TAFA2: variants seen among roughly 807,000 people sequenced by gnomAD.
TAFA2 encodes the protein chemokine-like protein TAFA-2.
TAFA2 carries 7 observed loss-of-function variants against 18.8 expected under a neutral mutation model. The observed-to-expected ratio is 0.37, with a 90% CI of 0.21 to 0.70. The LOEUF is 0.70. Among genes scored for constraint, TAFA2 ranks in the 30% least tolerant of loss-of-function variants. TAFA2 has a pLI of 0.53. For synonymous variants in TAFA2, 60 were observed against 54.2 expected (o/e 1.11, Z -0.47); for missense variants, 122 against 158.1 (o/e 0.77, Z 1.23).
At chr12:62,031,280 G>A (rs1189365541) in intron 1 of TAFA2, among the ~76,000 whole-genome samples, 1 of 152,070 alleles carries the variant, frequency 6.6e-6, no homozygotes, top group Non-Finnish European at 1.5e-5. Context: ...AGAATATAAA[G>A]CAGGCAGAAA....
In TAFA2 at chr12:62,038,641, C is replaced by T. The variant is rs549014152; in HGVS notation, c.-2+152618G>A. On this transcript the variant is annotated intron_variant, in intron 1 of 4. Transcript: ENST00000416284. ...TCAGTGCCCCACAGATACCAAGAGA[C>T]GACTGTATGCAATAAAATTTTTTAA... Among the ~76,000 whole-genome samples, 79 of 151,868 alleles carry T rather than the reference C, an allele frequency of 5.2e-4. No homozygotes were observed. In the South Asian group the frequency reaches 7.9e-3, roughly 15 times the overall value.
chr12:61,832,205 G>C (rs1255821555), intron 2 of TAFA2, among the ~76,000 whole-genome samples: 3 of 152,024 alleles, frequency 2.0e-5, no homozygotes, highest in African/African-American at 7.2e-5. Context: ...CCGCAGAATA[G>C]CACTGTATGG....
At chr12:62,071,396 G>C (rs1195357876) in intron 1 of TAFA2, among the ~76,000 whole-genome samples, 1 of 152,116 alleles carries the variant, frequency 6.6e-6, no homozygotes, top group African/African-American at 2.4e-5. Context: ...CCTGAGTAAG[G>C]AGAGTGATTT....
chr12:62,174,465 A>T (rs1431481479), intron 1 of TAFA2, among the ~76,000 whole-genome samples: 1 of 152,214 alleles, frequency 6.6e-6, no homozygotes, highest in Admixed American at 6.5e-5. Flanking sequence ...AGAGAACCAC[A>T]GATACTGTTT....
At chr12:62,005,101 A>C (rs1189130586) in intron 1 of TAFA2, among the ~76,000 whole-genome samples, 1 of 152,022 alleles carries the variant, frequency 6.6e-6, no homozygotes, top group Non-Finnish European at 1.5e-5. Context: ...TAAATATAGA[A>C]AGCTAATGTG....
At chr12:62,137,957 C>T (rs542847632) in intron 1 of TAFA2, among the ~76,000 whole-genome samples, 15 of 152,244 alleles carry the variant, frequency 9.9e-5, no homozygotes, top group South Asian at 2.1e-4. Context: ...TCAAAATCCT[C>T]CTGTCTAGCC....
chr12:62,077,326 C>T (rs1428938525), intron 1 of TAFA2, among the ~76,000 whole-genome samples: 1 of 152,164 alleles, frequency 6.6e-6, no homozygotes, highest in Non-Finnish European at 1.5e-5. Flanking sequence ...GAAATATTCA[C>T]TGATATTTTG....
intron 2 of TAFA2, among the ~76,000 whole-genome samples, chr12:61,845,523 A>G (rs17125413): frequency 0.018 from 2,717 of 152,252 alleles, 75 homozygotes; most frequent in African/African-American, 0.061. Flanking sequence ...TGGCTTCAGG[A>G]TCAAACTTTG....
chr12:61,935,961 C>T (rs557343796), intron 1 of TAFA2, among the ~76,000 whole-genome samples: 8 of 151,990 alleles, frequency 5.3e-5, no homozygotes, highest in Non-Finnish European at 1.2e-4. Context: ...CTGAAACTAT[C>T]CTAAAAGATT....
intron 1 of TAFA2, among the ~76,000 whole-genome samples, chr12:62,000,878 A>G (rs1298127061): frequency 1.3e-5 from 2 of 152,258 alleles, no homozygotes; most frequent in Non-Finnish European, 2.9e-5. Context: ...GGATGGATCT[A>G]TAGTGATAGG....
intron 2 of TAFA2, among the ~76,000 whole-genome samples, chr12:61,843,093 G>A (rs1290995653): frequency 6.6e-6 from 1 of 152,010 alleles, no homozygotes; most frequent in Non-Finnish European, 1.5e-5. Context: ...CTCAGAAAAT[G>A]TTCAGTAGGC....
chr12:62,005,314 T>C (rs1880511592), intron 1 of TAFA2, among the ~76,000 whole-genome samples: 1 of 152,074 alleles, frequency 6.6e-6, no homozygotes, highest in African/African-American at 2.4e-5. Context: ...ACAATATAAA[T>C]GAATAAATGA....
intron 2 of TAFA2, among the ~76,000 whole-genome samples, chr12:61,823,422 T>C (rs1022895386): frequency 1.3e-5 from 2 of 152,258 alleles, no homozygotes; most frequent in East Asian, 1.9e-4. Flanking sequence ...CCAATGTCAG[T>C]ATACTATATT....
At chr12:61,921,565 G>A (rs190465223) in intron 1 of TAFA2, among the ~76,000 whole-genome samples, 8 of 152,216 alleles carry the variant, frequency 5.3e-5, no homozygotes, top group Non-Finnish European at 1.0e-4. Context: ...GTGTGGTGGG[G>A]TATGATTTGG....
At chr12:61,940,037 G>A (rs560403094) in intron 1 of TAFA2, among the ~76,000 whole-genome samples, 34 of 152,270 alleles carry the variant, frequency 2.2e-4, no homozygotes, top group Non-Finnish European at 4.0e-4. Context: ...CTGGTACTTA[G>A]CATATTCATT....
In TAFA2 at chr12:62,227,610, A is replaced by G. The variant is rs977751221; in HGVS notation, c.-130+31153T>C. ...TTGTGGATTATTTCCTTTCCTGTGT[A>G]GAAGATTTTAGCTTGATATAATAAC... On this transcript the variant is annotated intron_variant, in intron 1 of 5. Transcript: ENST00000551619. Among the ~76,000 whole-genome samples, 8 of 152,100 alleles carry G rather than the reference A, an allele frequency of 5.3e-5. No individual in the cohort carries two copies. The East Asian group carries it at 1.5e-3, about 29-fold the overall frequency.
chr12:61,892,437 G>A (rs1565671628), intron 1 of TAFA2, among the ~76,000 whole-genome samples: 1 of 152,172 alleles, frequency 6.6e-6, no homozygotes, highest in Non-Finnish European at 1.5e-5. Context: ...CAGGGCAGGG[G>A]TGCCAGCTAA....
chr12:62,033,066 A>T (rs1419804073), intron 1 of TAFA2, among the ~76,000 whole-genome samples: 14 of 152,128 alleles, frequency 9.2e-5, no homozygotes, highest in Non-Finnish European at 2.1e-4. Context: ...CAGCCTACCC[A>T]CACAGCCATG....
At chr12:61,799,751 G>A (rs1424954525) in intron 2 of TAFA2, among the ~76,000 whole-genome samples, 1 of 152,160 alleles carries the variant, frequency 6.6e-6, no homozygotes, top group East Asian at 1.9e-4. Context: ...GAACCCGGGA[G>A]GCGGAGCTTG....
Sources: gnomAD v4.1 joint callset for allele counts (sites outside exome capture counted in the v4.1 genomes callset) on GRCh38, gnomAD v4.1.1 for gene constraint, MANE v1.5 for transcripts, NCBI Gene and HGNC (gene_info 2026-07-23, HGNC 2026-07-21) for gene names.